Variants in DDB1 observed in about 807,000 individuals in gnomAD.
DDB1 encodes DNA damage-binding protein 1.
In DDB1, 18 loss-of-function variants were observed where a neutral mutation model predicts 133.1. The observed-to-expected ratio is 0.14, with a 90% CI of 0.09 to 0.20. The LOEUF is 0.20. Among genes scored for constraint, DDB1 ranks in the 10% least tolerant of loss-of-function variants. The pLI, the probability that DDB1 is intolerant of heterozygous loss-of-function variation, is 1.00. For synonymous variants in DDB1, 580 were observed against 550.5 expected, an observed-to-expected ratio of 1.05 and a Z score of -0.75; for missense variants, 828 against 1,459.2, an observed-to-expected ratio of 0.57 and a Z score of 7.05.
chr11:61,310,165 T>C, intron 19 of DDB1, 130 bp downstream of exon 19: 1 of 1,423,596 alleles, frequency 7.0e-7, no homozygotes, highest in South Asian at 1.3e-5. Flanking sequence ...TCTCACAGAA[T>C]TCCCACCCCT....
intron 7 of DDB1, chr11:61,323,473 C>G (rs1856219339): frequency 3.8e-6 from 1 of 265,594 alleles, no homozygotes; most frequent in Admixed American, 4.8e-5. Flanking sequence ...AGTGGTACCA[C>G]CATGGCTCAC....
chr11:61,313,411 G>T, intron 16 of DDB1, 88 bp downstream of exon 16: 3 of 1,238,896 alleles, frequency 2.4e-6, no homozygotes, highest in South Asian at 2.8e-5. Context: ...TTTTGACACC[G>T]GAAAAAGGCT....
chr11:61,322,401 G>A lies in DDB1; in HGVS notation c.1017C>T (p.Asp339=), dbSNP rs1176306420. The change falls in exon 9 of 27, where the codon GAC becomes GAT. Residue 339 remains aspartate (D), a synonymous_variant. Transcript: ENST00000301764. ...CTACATAGGAGCCTTGTTCATTACT[G>A]TCAACGTTGAGCTAATAAGAAAGAA... The part of the protein sequence containing the change: ...GDSQLVKLNV[D]SNEQGSYVVA... 6.2e-7 allele frequency: 1 copy of A among 1,613,444 alleles called. No individual in the cohort carries two copies. Among genetic ancestry groups the A allele is most frequent in the African/African-American group, 1.3e-5 (1 of 74,874 alleles).
At chr11:61,324,806 T>C (rs1287759891) in intron 6 of DDB1, among the ~76,000 whole-genome samples, 1 of 152,270 alleles carries the variant, frequency 6.6e-6, no homozygotes, top group Non-Finnish European at 1.5e-5. Context: ...TTTATCAATA[T>C]ATTACTTTAT....
At chr11:61,330,124 C>T in intron 2 of DDB1, 50 bp from the exon 3 acceptor site, 1 of 1,460,894 alleles carries the variant, frequency 6.8e-7, no homozygotes. Flanking sequence ...AAAACAGGAA[C>T]AACCTGTCCA....
intron 21 of DDB1, 59 bp downstream of exon 21, chr11:61,308,924 C>G (rs755047845): frequency 1.4e-5 from 22 of 1,539,466 alleles, no homozygotes; most frequent in Non-Finnish European, 2.0e-5. Context: ...CTAAGAGAGA[C>G]ACATTCTGCA....
chr11:61,316,132 C>CT, intron 12 of DDB1, 153 bp downstream of exon 12: 1 of 667,990 alleles, frequency 1.5e-6, no homozygotes, highest in Non-Finnish European at 2.6e-6. Flanking sequence ...GTTGTGATCT[C>CT]TGAGTAGTGG....
Position 61,325,706 on chromosome 11 carries a change from G to C in DDB1, c.667C>G (p.Pro223Ala). ...ATGATGGCCCCCCCAAAGGGCTCTG[G>C]GACTGCAGGAAAGACAGCAAAATTA... The part of the protein sequence containing the change: ...EAEASMVIAV[P>A]EPFGGAIIIG... The change falls in exon 6 of 27, where the codon CCA becomes GCA. Residue 223 changes from proline (P) to alanine (A), a missense_variant and splice_region_variant. Pro to Ala is a conservative substitution (Grantham distance 27). Transcript: ENST00000301764. The C allele has an allele frequency of 6.2e-7, 1 of 1,611,620 alleles. No homozygotes were observed. The highest frequency in any genetic ancestry group is 8.5e-7 in the Non-Finnish European group (1 of 1,178,670).
Position 61,300,068 on chromosome 11 carries a change from G to A in DDB1, c.*68C>T. 1.3e-6 allele frequency: 2 copies of A among 1,516,570 alleles called. No individual in the cohort carries two copies. Among genetic ancestry groups the A allele is most frequent in the Non-Finnish European group, 9.1e-7 (1 of 1,093,694 alleles). The allele number at this position is 1,516,570 out of a possible 1,614,324, so 93.9% of individuals were successfully genotyped here. On this transcript the variant is annotated 3_prime_UTR_variant, in exon 27 of 27. Coordinates refer to ENST00000301764, the MANE Select transcript of DDB1 (RefSeq NM_001923.5). ...TCCCATGGCCAAGAAGACGATGGTGGAGAGGAGGGGGAGGGCAGCAGGGCA... is the reference window on the plus strand; with the variant it reads ...TCCCATGGCCAAGAAGACGATGGTGAAGAGGAGGGGGAGGGCAGCAGGGCA...
At position 61,324,691 on chromosome 11, in the gene DDB1, T is replaced by G. The variant is rs28720279; in HGVS notation, c.763-554A>C. On this transcript the variant is annotated intron_variant, in intron 6 of 26. Coordinates refer to ENST00000301764, the MANE Select transcript of DDB1 (RefSeq NM_001923.5). ...CTTGCCACTGTAGCCAGCTAGATTT[T>G]GTTCTTTTTTCTCAAAAAGAAAGTA... is the stretch of plus-strand genomic sequence containing the variant. Among the ~76,000 whole-genome samples the G allele has an allele frequency of 2.6e-5, 4 of 152,334 alleles. 1 individual carries two copies. In the East Asian group the frequency reaches 7.7e-4, roughly 29 times the overall value.
At chr11:61,325,908 G>C (rs997709102) in intron 5 of DDB1, 200 bp from the exon 6 acceptor site, 1 of 643,934 alleles carries the variant, frequency 1.6e-6, no homozygotes, top group Non-Finnish European at 2.8e-6. Flanking sequence ...AATCCTGGTA[G>C]TATTTTTACT....
rs117439926 is a variant in DDB1, at chr11:61,313,171, C to A, written c.2069+328G>T. ...ATGCTGTAGCTGCTGGTTGGGGACA[C>A]CCTTTGAGAATTCCTGCTCTAGAGG... On this transcript the variant is annotated intron_variant, in intron 16 of 26. Transcript: ENST00000301764. Among the ~76,000 whole-genome samples the A allele has an allele frequency of 3.4e-3, 513 of 152,266 alleles. 1 individual carries two copies. Among genetic ancestry groups the A allele is most frequent in the Middle Eastern group, 0.014 (4 of 294 alleles).
intron 26 of DDB1, 139 bp downstream of exon 26, chr11:61,300,670 C>A: frequency 1.5e-6 from 2 of 1,371,388 alleles, no homozygotes; most frequent in Non-Finnish European, 2.0e-6. Flanking sequence ...TCAGACTCCA[C>A]CTTCCATCTG....
chr11:61,326,727 G>C, intron 5 of DDB1, 52 bp downstream of exon 5: 1 of 1,456,110 alleles, frequency 6.9e-7, no homozygotes, highest in Non-Finnish European at 9.7e-7. Context: ...AACAAGAACA[G>C]GGAACTAGCC....
chr11:61,325,470 G>T, intron 6 of DDB1, 141 bp downstream of exon 6: 2 of 659,802 alleles, frequency 3.0e-6, no homozygotes, highest in Non-Finnish European at 5.1e-6. Flanking sequence ...ATTCCCAATG[G>T]CCAACGCAAT....
intron 10 of DDB1, among the ~76,000 whole-genome samples, chr11:61,320,606 TCTCAAA>T (rs1385240428): frequency 6.6e-6 from 1 of 151,962 alleles, no homozygotes; most frequent in Non-Finnish European, 1.5e-5. Flanking sequence ...CCCAGGCTGG[TCTCAAA>T]CTCCTGGACT....
intron 26 of DDB1, 58 bp downstream of exon 26, chr11:61,300,751 G>A (rs1855780075): frequency 6.2e-7 from 1 of 1,601,966 alleles, no homozygotes; most frequent in Non-Finnish European, 8.5e-7. Context: ...CAGTCTCCTG[G>A]CATGCCCCAA....
chr11:61,300,670 C>T, intron 26 of DDB1, 139 bp downstream of exon 26: 1 of 1,371,388 alleles, frequency 7.3e-7, no homozygotes. Context: ...TCAGACTCCA[C>T]CTTCCATCTG....
At position 61,302,374 on chromosome 11, in the gene DDB1, G is replaced by A. The variant is rs762051498; in HGVS notation, c.3113-15C>T. On this transcript the variant is annotated splice_polypyrimidine_tract_variant and intron_variant, in intron 24 of 26. Transcript: ENST00000301764. ...GGTCACCAGCCCTGAAGAAGTGAAGGAGGCAGTGAGCTGCAGAGAGCTCAA... is the reference window on the plus strand; with the variant it reads ...GGTCACCAGCCCTGAAGAAGTGAAGAAGGCAGTGAGCTGCAGAGAGCTCAA... 6.2e-7 allele frequency: 1 copy of A among 1,613,104 alleles called. No individual in the cohort carries two copies.
Sources: allele counts gnomAD v4.1 joint callset (sites outside exome capture counted in the v4.1 genomes callset), GRCh38; gene constraint gnomAD v4.1.1; transcripts MANE v1.5; gene names NCBI Gene and HGNC (gene_info 2026-07-23, HGNC 2026-07-21).